The following ASTN1 variants were observed in gnomAD, a reference collection of about 807,000 sequenced individuals.
ASTN1 encodes the protein astrotactin 1.
ASTN1 carries 41 observed loss-of-function variants against 140.7 expected under a neutral mutation model. The ratio of observed to expected loss-of-function variants is 0.29; its 90% CI spans 0.23 to 0.38. The LOEUF (loss-of-function observed/expected upper bound fraction) is 0.38. ASTN1 is among the 10% of genes least tolerant of loss of function. The pLI, the probability that ASTN1 is intolerant of heterozygous loss-of-function variation, is 1.00. For synonymous variants in ASTN1, 640 were observed against 652.2 expected (o/e 0.98, Z 0.29); for missense variants, 1,479 against 1,678.8 (o/e 0.88, Z 2.08).
At chr1:176,910,910 A>G (rs1474648884) in intron 16 of ASTN1, among the ~76,000 whole-genome samples, 1 of 152,188 alleles carries the variant, frequency 6.6e-6, no homozygotes, top group African/African-American at 2.4e-5. Context: ...TGTGCTTCTT[A>G]TGGGAATCTA....
intron 8 of ASTN1, among the ~76,000 whole-genome samples, chr1:177,003,324 G>C (rs1041501355): frequency 1.3e-5 from 2 of 149,396 alleles, no homozygotes; most frequent in African/African-American, 4.9e-5. Context: ...TAGGGATGCA[G>C]AAATTGTTCA....
At chr1:177,129,011 T>C (rs1245317423) in intron 1 of ASTN1, among the ~76,000 whole-genome samples, 1 of 152,202 alleles carries the variant, frequency 6.6e-6, no homozygotes, top group African/African-American at 2.4e-5. Flanking sequence ...AGGATGGTGT[T>C]ACCATCAGGA....
intron 1 of ASTN1, among the ~76,000 whole-genome samples, chr1:177,149,126 T>C (rs1476298637): frequency 2.3e-5 from 3 of 133,188 alleles, no homozygotes; most frequent in Non-Finnish European, 4.6e-5. Flanking sequence ...ATAGTAAATA[T>C]ATATAGTGCA....
chr1:176,943,842 G>A (rs1384690891), intron 14 of ASTN1, 49 bp downstream of exon 14: 2 of 1,526,670 alleles, frequency 1.3e-6, no homozygotes, highest in East Asian at 2.4e-5. Context: ...GAAACTGCAG[G>A]GAGCTGCCTG....
At chr1:177,056,355 T>C (rs1677803217) in intron 2 of ASTN1, among the ~76,000 whole-genome samples, 1 of 152,106 alleles carries the variant, frequency 6.6e-6, no homozygotes. Flanking sequence ...TGGGTTCACC[T>C]GGAGATCCCA....
intron 8 of ASTN1, among the ~76,000 whole-genome samples, chr1:176,998,964 C>T (rs1181525500): frequency 6.6e-6 from 1 of 152,230 alleles, no homozygotes; most frequent in Non-Finnish European, 1.5e-5. Context: ...GATAGCCTCA[C>T]ATAGTTGTGG....
chr1:177,007,360 C>T (rs1315171940), intron 8 of ASTN1, among the ~76,000 whole-genome samples: 1 of 152,020 alleles, frequency 6.6e-6, no homozygotes, highest in Non-Finnish European at 1.5e-5. Context: ...CATTGCACTC[C>T]AGCCTGGGCA....
At chr1:177,164,180 C>G (rs1218505379) in intron 1 of ASTN1, among the ~76,000 whole-genome samples, 1 of 152,184 alleles carries the variant, frequency 6.6e-6, no homozygotes, top group South Asian at 2.1e-4. Context: ...TGAGAGGAGG[C>G]TCAGCATCCA....
rs140169696 is a variant in ASTN1, at chr1:176,994,025, G to GTGTGTGTGTGTGTA, written c.1523+20765_1523+20766insTACACACACACACA. Among the ~76,000 whole-genome samples, 929 of 150,694 alleles carry GTGTGTGTGTGTGTA rather than the reference G, an allele frequency of 6.2e-3. 6 individuals carry two copies. The highest frequency in any genetic ancestry group is 0.018 in the African/African-American group (754 of 40,908). On this transcript the variant is annotated intron_variant, in intron 8 of 22. Coordinates refer to ENST00000361833, the MANE Select transcript of ASTN1 (RefSeq NM_004319.3). ...GTGAGAACTGTGTGTGTACGTGTGTGTGTGTGTGTGAATGTGGTGAATAGC... is the reference window on the plus strand; with the variant it reads ...GTGAGAACTGTGTGTGTACGTGTGTGTGTGTGTGTGTGTATGTGTGTGTGAATGTGGTGAATAGC...
chr1:176,863,323 C>T lies in ASTN1; in HGVS notation c.*961G>A, dbSNP rs2103006820. ...ACTGATATGAAAGTGTTGACCCCTCCTGGTCCCAATCAGACATCGGCCAAG... is the reference window on the plus strand; with the variant it reads ...ACTGATATGAAAGTGTTGACCCCTCTTGGTCCCAATCAGACATCGGCCAAG... On this transcript the variant is annotated 3_prime_UTR_variant, in exon 23 of 23. Transcript: ENST00000361833. 1 of 985,858 alleles carries T rather than the reference C, an allele frequency of 1.0e-6. No individual in the cohort carries two copies. The highest frequency in any genetic ancestry group is 1.2e-6 in the Non-Finnish European group (1 of 829,944). The allele number at this position is 985,858 out of a possible 1,614,324, so 61.1% of individuals were successfully genotyped here.
intron 3 of ASTN1, 95 bp from the exon 4 acceptor site, chr1:177,031,047 C>T: frequency 1.5e-6 from 2 of 1,348,794 alleles, no homozygotes; most frequent in African/African-American, 1.5e-5. Flanking sequence ...GATAAGGTCT[C>T]ACAGAATTGA....
chr1:177,031,319 A>T (rs1676432544), intron 3 of ASTN1, among the ~76,000 whole-genome samples: 1 of 152,200 alleles, frequency 6.6e-6, no homozygotes, highest in South Asian at 2.1e-4. Flanking sequence ...ATTTGTGTGC[A>T]TTCAGGCAGA....
At chr1:177,140,373 T>A (rs1363344395) in intron 1 of ASTN1, among the ~76,000 whole-genome samples, 2 of 152,162 alleles carry the variant, frequency 1.3e-5, no homozygotes, top group East Asian at 3.8e-4. Context: ...CTGAGCCTCC[T>A]GTAACAGAAT....
At chr1:176,918,351 A>C (rs887145869) in intron 16 of ASTN1, among the ~76,000 whole-genome samples, 12 of 152,102 alleles carry the variant, frequency 7.9e-5, no homozygotes, top group Non-Finnish European at 1.6e-4. Flanking sequence ...TTCTCCTCTG[A>C]GCTCCAGACT....
intron 17 of ASTN1, 65 bp downstream of exon 17, chr1:176,894,497 C>G: frequency 1.3e-6 from 2 of 1,567,852 alleles, no homozygotes; most frequent in Non-Finnish European, 1.7e-6. Flanking sequence ...CACTTCCTCA[C>G]ACCATTTGGA....
intron 16 of ASTN1, among the ~76,000 whole-genome samples, chr1:176,912,478 C>G (rs1005752318): frequency 7.9e-5 from 12 of 152,134 alleles, no homozygotes; most frequent in African/African-American, 2.9e-4. Flanking sequence ...CATATAAAAA[C>G]AGGTAGCAGA....
chr1:176,960,467 T>G (rs958248254), intron 9 of ASTN1, among the ~76,000 whole-genome samples: 21 of 152,260 alleles, frequency 1.4e-4, no homozygotes, highest in Admixed American at 1.4e-3. Context: ...CGTTGGCAGT[T>G]CTGATACATT....
chr1:177,020,312 G>T (rs1010818941), intron 7 of ASTN1, among the ~76,000 whole-genome samples: 1 of 152,182 alleles, frequency 6.6e-6, no homozygotes, highest in African/African-American at 2.4e-5. Context: ...GAGTTTCACT[G>T]GGCTAAAATC....
At chr1:176,997,868 T>C (rs1337125208) in intron 8 of ASTN1, among the ~76,000 whole-genome samples, 2 of 151,964 alleles carry the variant, frequency 1.3e-5, no homozygotes, top group African/African-American at 4.8e-5. Flanking sequence ...TTGGGCTGGG[T>C]CTTGGAGAAT....
Sources: allele counts gnomAD v4.1 joint callset (sites outside exome capture counted in the v4.1 genomes callset), GRCh38; gene constraint gnomAD v4.1.1; transcripts MANE v1.5; gene names NCBI Gene and HGNC (gene_info 2026-07-23, HGNC 2026-07-21).